The following MTUS2 variants were observed in gnomAD, a reference collection of about 807,000 sequenced individuals.
MTUS2 encodes microtubule-associated tumor suppressor candidate 2.
MTUS2 carries 40 observed loss-of-function variants against 114.1 expected under a neutral mutation model. The observed-to-expected ratio is 0.35, with a 90% CI of 0.27 to 0.46. MTUS2 has a LOEUF of 0.46. Ranked by LOEUF, MTUS2 falls within the 20% of genes least tolerant of loss-of-function variation. The probability of loss-of-function intolerance (pLI) is 1.00; values close to 1 mark genes in which losing one functional copy is unlikely to be tolerated. For synonymous variants in MTUS2, 688 were observed against 672.0 expected (o/e 1.02, Z -0.37); for missense variants, 1,679 against 1,705.4 (o/e 0.98, Z 0.27).
intron 5 of MTUS2, among the ~76,000 whole-genome samples, chr13:29,227,006 C>T (rs1213299446): frequency 6.6e-6 from 1 of 152,064 alleles, no homozygotes; most frequent in Non-Finnish European, 1.5e-5. Flanking sequence ...GCCTGTAATC[C>T]TAGCACTTTG....
chr13:29,491,952 AGT>A (rs551844847), intron 11 of MTUS2, among the ~76,000 whole-genome samples: 30 of 104,664 alleles, frequency 2.9e-4, no homozygotes, highest in East Asian at 9.5e-4. Flanking sequence ...TGTGGCATGT[AGT>A]GTGTGTGTAT....
intron 2 of MTUS2, among the ~76,000 whole-genome samples, chr13:28,926,962 G>A (rs978444782): frequency 2.0e-5 from 3 of 152,190 alleles, no homozygotes; most frequent in Middle Eastern, 3.4e-3. Flanking sequence ...TGGCCAATGT[G>A]GGCATAAATG....
intron 8 of MTUS2, among the ~76,000 whole-genome samples, chr13:29,375,528 TATATATATACGTG>T (rs1566162982): frequency 0.44 from 6,559 of 14,860 alleles, 1,963 homozygotes; most frequent in African/African-American, 0.53. Flanking sequence ...TATATATATA[TATATATATACGTG>T]TATATATATA....
chr13:29,192,212 A>G (rs1365319030), intron 5 of MTUS2, among the ~76,000 whole-genome samples: 2 of 152,144 alleles, frequency 1.3e-5, no homozygotes, highest in African/African-American at 4.8e-5. Context: ...TTTTTATTAG[A>G]ATTTAGTGAG....
intron 8 of MTUS2, among the ~76,000 whole-genome samples, chr13:29,388,190 A>C (rs1872761321): frequency 6.6e-6 from 1 of 152,120 alleles, no homozygotes; most frequent in Non-Finnish European, 1.5e-5. Context: ...TCTTTGACCC[A>C]ATCCCCATGT....
intron 14 of MTUS2, among the ~76,000 whole-genome samples, chr13:29,499,150 T>C (rs1321379824): frequency 6.6e-6 from 1 of 152,184 alleles, no homozygotes; most frequent in Non-Finnish European, 1.5e-5. Flanking sequence ...CACAGGAATT[T>C]GGGGGGACAC....
chr13:28,906,051 T>C (rs952463890), intron 2 of MTUS2, among the ~76,000 whole-genome samples: 2 of 151,670 alleles, frequency 1.3e-5, no homozygotes. Context: ...TAGAGTTGTT[T>C]GTAGTATTCT....
At chr13:29,391,130 C>G (rs1873426971) in intron 8 of MTUS2, among the ~76,000 whole-genome samples, 1 of 152,000 alleles carries the variant, frequency 6.6e-6, no homozygotes, top group African/African-American at 2.4e-5. Context: ...CACTCTGTCA[C>G]CCAGGCCAGA....
rs2802241 is a variant in MTUS2 at position 29,496,831 on chromosome 13, A to G, written c.3580-407A>G. ...GTCAAGGAGGGTTTGAAGGGATCTGAATTGAGCTTCCTAAATGAGAATACA... is the reference window on the plus strand; with the variant it reads ...GTCAAGGAGGGTTTGAAGGGATCTGGATTGAGCTTCCTAAATGAGAATACA... On this transcript the variant is annotated intron_variant, in intron 12 of 15. Coordinates refer to ENST00000612955, the MANE Select transcript of MTUS2 (RefSeq NM_001033602.4). The surrounding 1 kb of genome is among the most constrained non-coding windows in gnomAD (Gnocchi z 4.3). 0.99 allele frequency among the ~76,000 whole-genome samples: 150,310 copies of G among 152,198 alleles called. 74,254 individuals carry two copies. The highest frequency in any genetic ancestry group is 1 in the East Asian group (5,154 of 5,154).
At chr13:29,348,353 G>T (rs372550737) in intron 7 of MTUS2, among the ~76,000 whole-genome samples, 4 of 151,492 alleles carry the variant, frequency 2.6e-5, no homozygotes, top group Non-Finnish European at 5.9e-5. Context: ...ATATCACTCA[G>T]CAAAGTGCAA....
At chr13:29,421,147 C>A (rs756030853) in intron 8 of MTUS2, among the ~76,000 whole-genome samples, 1 of 152,122 alleles carries the variant, frequency 6.6e-6, no homozygotes, top group African/African-American at 2.4e-5. Flanking sequence ...CGTAACTACC[C>A]ATCATTCCCA....
intron 5 of MTUS2, among the ~76,000 whole-genome samples, chr13:29,140,847 C>T (rs1355920692): frequency 6.6e-6 from 1 of 152,124 alleles, no homozygotes; most frequent in African/African-American, 2.4e-5. Flanking sequence ...GCAGGTGATA[C>T]TTGAAAACAC....
At chr13:29,233,012 C>A (rs1441357059) in intron 5 of MTUS2, among the ~76,000 whole-genome samples, 1 of 152,116 alleles carries the variant, frequency 6.6e-6, no homozygotes, top group Non-Finnish European at 1.5e-5. Context: ...TGGGCCTGGA[C>A]ATTAACAAAA....
intron 4 of MTUS2, among the ~76,000 whole-genome samples, chr13:29,037,011 A>T (rs2475541): frequency 0.96 from 145,563 of 152,298 alleles, 69,666 homozygotes; most frequent in South Asian, 0.98. Flanking sequence ...CCGTTTACAT[A>T]TAAGGTTAAT....
chr13:29,205,706 A>T (rs1463074070), intron 5 of MTUS2, among the ~76,000 whole-genome samples: 1 of 152,232 alleles, frequency 6.6e-6, no homozygotes, highest in Non-Finnish European at 1.5e-5. Context: ...AATGGTCTCC[A>T]ACTTCACCTA....
At chr13:29,176,582 T>C (rs1346797173) in intron 5 of MTUS2, among the ~76,000 whole-genome samples, 1 of 152,164 alleles carries the variant, frequency 6.6e-6, no homozygotes, top group Non-Finnish European at 1.5e-5. Context: ...AGGCCCACTC[T>C]CTGCTTCATG....
intron 4 of MTUS2, among the ~76,000 whole-genome samples, chr13:29,073,933 G>A (rs961497312): frequency 3.9e-5 from 6 of 152,016 alleles, no homozygotes; most frequent in African/African-American, 1.2e-4. Flanking sequence ...TCACCCCCAA[G>A]CCTCTCAACT....
chr13:29,378,957 C>G (rs922379031), intron 8 of MTUS2, among the ~76,000 whole-genome samples: 8 of 152,152 alleles, frequency 5.3e-5, no homozygotes, highest in African/African-American at 1.9e-4. Context: ...TCCCCCCATG[C>G]TGTTCTCATG....
chr13:29,220,531 G>A (rs1895866315), intron 5 of MTUS2, among the ~76,000 whole-genome samples: 1 of 152,148 alleles, frequency 6.6e-6, no homozygotes, highest in Admixed American at 6.5e-5. Context: ...CAATATTGTT[G>A]TGCCTTGGGG....
Sources: allele counts gnomAD v4.1 joint callset (sites outside exome capture counted in the v4.1 genomes callset), GRCh38; gene constraint gnomAD v4.1.1; non-coding constraint Gnocchi (gnomAD v3.1); transcripts MANE v1.5; gene names NCBI Gene and HGNC (gene_info 2026-07-23, HGNC 2026-07-21).